The following NPAS3 variants were observed in gnomAD, a reference collection of about 807,000 sequenced individuals.
NPAS3 encodes neuronal PAS domain-containing protein 3.
A neutral mutation model predicts 73.1 loss-of-function variants in NPAS3; 14 were observed. The observed-to-expected ratio is 0.19, with a 90% CI of 0.13 to 0.30. NPAS3 has a LOEUF of 0.30. Ranked by LOEUF, NPAS3 falls within the 10% of genes least tolerant of loss-of-function variation. The probability of loss-of-function intolerance (pLI) is 1.00; values close to 1 mark genes in which losing one functional copy is unlikely to be tolerated. For synonymous variants in NPAS3, 620 were observed against 541.5 expected (o/e 1.14, Z -2.01); for missense variants, 1,096 against 1,250.0 (o/e 0.88, Z 1.86).
chr14:33,514,793 A>G (rs973524612), intron 4 of NPAS3, among the ~76,000 whole-genome samples: 13 of 152,202 alleles, frequency 8.5e-5, no homozygotes, highest in African/African-American at 3.1e-4. Context: ...ACTACTGGAT[A>G]AATTACCCAT....
At chr14:33,669,462 CT>C (rs2140308327) in intron 5 of NPAS3, among the ~76,000 whole-genome samples, 1 of 152,282 alleles carries the variant, frequency 6.6e-6, no homozygotes, top group East Asian at 1.9e-4. Context: ...CTTCTTTTAA[CT>C]GATGTCTCTT....
chr14:33,219,331 T>C (rs2047338516), intron 3 of NPAS3, among the ~76,000 whole-genome samples: 1 of 152,228 alleles, frequency 6.6e-6, no homozygotes, highest in Non-Finnish European at 1.5e-5. Context: ...CAGTCAATTT[T>C]AAGAGTCTGT....
intron 5 of NPAS3, among the ~76,000 whole-genome samples, chr14:33,657,931 G>A (rs1275630281): frequency 6.6e-6 from 1 of 152,096 alleles, no homozygotes; most frequent in African/African-American, 2.4e-5. Context: ...AGTAAATATC[G>A]CCACTTACTC....
At chr14:33,757,350 G>T (rs572335685) in intron 7 of NPAS3, among the ~76,000 whole-genome samples, 1 of 152,142 alleles carries the variant, frequency 6.6e-6, no homozygotes. Context: ...TGTAAGACAG[G>T]GATGAAGAGG....
At chr14:33,707,480 A>G (rs1379923363) in intron 6 of NPAS3, among the ~76,000 whole-genome samples, 1 of 152,224 alleles carries the variant, frequency 6.6e-6, no homozygotes, top group Non-Finnish European at 1.5e-5. Flanking sequence ...CCATAGAATC[A>G]GCATGAAGGC....
At chr14:33,038,719 C>T (rs766622261) in intron 1 of NPAS3, among the ~76,000 whole-genome samples, 1 of 152,066 alleles carries the variant, frequency 6.6e-6, no homozygotes. Context: ...GCTGTGTTTG[C>T]CAGTTGTTTA....
At chr14:33,752,044 C>G (rs185173198) in intron 7 of NPAS3, among the ~76,000 whole-genome samples, 1 of 152,064 alleles carries the variant, frequency 6.6e-6, no homozygotes, top group East Asian at 1.9e-4. Flanking sequence ...AAAAAATAAA[C>G]CTTTATATTC....
At chr14:33,593,225 A>G (rs913074494) in intron 5 of NPAS3, among the ~76,000 whole-genome samples, 1 of 152,128 alleles carries the variant, frequency 6.6e-6, no homozygotes, top group Non-Finnish European at 1.5e-5. Flanking sequence ...CAACCATTCA[A>G]ACAGGTAGGT....
chr14:33,298,787 A>G (rs1387667969), intron 3 of NPAS3, among the ~76,000 whole-genome samples: 1 of 152,234 alleles, frequency 6.6e-6, no homozygotes. Context: ...AAGGCAATAA[A>G]TATTATTATA....
chr14:33,334,815 T>G (rs2044143354), intron 3 of NPAS3, among the ~76,000 whole-genome samples: 1 of 152,180 alleles, frequency 6.6e-6, no homozygotes, highest in Admixed American at 6.6e-5. Flanking sequence ...GTGTAGTATT[T>G]TATCCCTCGC....
At chr14:33,018,478 G>A (rs942278909) in intron 1 of NPAS3, among the ~76,000 whole-genome samples, 1 of 152,070 alleles carries the variant, frequency 6.6e-6, no homozygotes, top group Non-Finnish European at 1.5e-5. Context: ...AAGTTGGATG[G>A]GGGTAAATGA....
intron 4 of NPAS3, among the ~76,000 whole-genome samples, chr14:33,555,538 T>C (rs2055315777): frequency 6.6e-6 from 1 of 152,204 alleles, no homozygotes; most frequent in Non-Finnish European, 1.5e-5. Flanking sequence ...TCCACAGAAC[T>C]TTGAGATTAA....
chr14:33,690,839 A>T (rs547001622), intron 6 of NPAS3, among the ~76,000 whole-genome samples: 10 of 150,212 alleles, frequency 6.7e-5, no homozygotes, highest in Middle Eastern at 3.4e-3. Context: ...GAGTTCCATT[A>T]AAAAAGTCAT....
In NPAS3 at chr14:33,570,265, T is replaced by G. The variant is rs80297146; in HGVS notation, c.558+10055T>G. 0.02 allele frequency among the ~76,000 whole-genome samples: 2,985 copies of G among 152,310 alleles called. 187 individuals carry two copies. The East Asian group carries it at 0.2, about 10-fold the overall frequency. On this transcript the variant is annotated intron_variant, in intron 5 of 11. Transcript: ENST00000356141. ...TAAGCACAGATCTCCTTAGCCTTGG[T>G]TGCCAAGTGCAATGGGAATGTTGCT...
At chr14:33,358,555 G>A (rs950102985) in intron 3 of NPAS3, among the ~76,000 whole-genome samples, 1 of 152,108 alleles carries the variant, frequency 6.6e-6, no homozygotes, top group African/African-American at 2.4e-5. Context: ...TCCGGTTCTG[G>A]TTCTGGCAGT....
chr14:33,289,412 C>G (rs561836374), intron 3 of NPAS3, among the ~76,000 whole-genome samples: 3 of 152,162 alleles, frequency 2.0e-5, no homozygotes, highest in African/African-American at 4.8e-5. Flanking sequence ...GACACCCTGC[C>G]CCTTTTAAAA....
intron 2 of NPAS3, among the ~76,000 whole-genome samples, chr14:33,212,367 A>G (rs1048644552): frequency 6.6e-6 from 1 of 152,178 alleles, no homozygotes; most frequent in African/African-American, 2.4e-5. Context: ...TGTTATTAAG[A>G]TTACTGCCAA....
chr14:32,965,016 A>G (rs1004510672), intron 1 of NPAS3, among the ~76,000 whole-genome samples: 1 of 152,158 alleles, frequency 6.6e-6, no homozygotes, highest in Admixed American at 6.5e-5. Context: ...GTATTGAACT[A>G]TGAAAAATAG....
chr14:33,247,158 C>T (rs554962583), intron 3 of NPAS3, among the ~76,000 whole-genome samples: 93 of 144,914 alleles, frequency 6.4e-4, no homozygotes, highest in African/African-American at 1.7e-3. Flanking sequence ...CTTTAATGTA[C>T]ATTCTATCTT....
Sources: gnomAD v4.1 joint callset for allele counts (sites outside exome capture counted in the v4.1 genomes callset) on GRCh38, gnomAD v4.1.1 for gene constraint, MANE v1.5 for transcripts, NCBI Gene and HGNC (gene_info 2026-07-23, HGNC 2026-07-21) for gene names.